The following ST8SIA5 variants were observed in gnomAD, a reference collection of about 807,000 sequenced individuals.
ST8SIA5 encodes alpha-2,8-sialyltransferase 8E.
In ST8SIA5, 24 loss-of-function variants were observed where a neutral mutation model predicts 40.2. That is an observed-to-expected ratio of 0.60 (90% CI 0.43 to 0.84). The LOEUF is 0.84. ST8SIA5 is among the 40% of genes least tolerant of loss of function. The pLI is 0.00. For synonymous variants in ST8SIA5, 198 were observed against 201.8 expected (o/e 0.98, Z 0.16); for missense variants, 465 against 498.5 (o/e 0.93, Z 0.64).
At chr18:46,733,359 T>C (rs978897742) in intron 1 of ST8SIA5, among the ~76,000 whole-genome samples, 4 of 152,214 alleles carry the variant, frequency 2.6e-5, no homozygotes, top group African/African-American at 9.6e-5. Flanking sequence ...GTACCTTTCC[T>C]TTTCCCATTC....
At chr18:46,716,147 C>T (rs2039789455) in intron 1 of ST8SIA5, among the ~76,000 whole-genome samples, 1 of 130,136 alleles carries the variant, frequency 7.7e-6, no homozygotes, top group Non-Finnish European at 1.8e-5. Flanking sequence ...TATAGTGCTC[C>T]AGCTCCACCC....
At chr18:46,750,535 G>A in intron 1 of ST8SIA5, among the ~76,000 whole-genome samples, 1 of 151,924 alleles carries the variant, frequency 6.6e-6, no homozygotes, top group East Asian at 1.9e-4. Flanking sequence ...CTCACTCCCT[G>A]CCCACTGAAA....
At chr18:46,710,632 C>T (rs1423549357) in intron 1 of ST8SIA5, among the ~76,000 whole-genome samples, 2 of 95,288 alleles carry the variant, frequency 2.1e-5, no homozygotes, top group Admixed American at 1.1e-4. Context: ...ACTCCCCCTC[C>T]CGGGTTCAAG....
chr18:46,673,154 A>G lies in ST8SIA5; in HGVS notation c.*6888T>C, dbSNP rs1466170869. The G allele has an allele frequency of 6.6e-6, 1 of 152,234 alleles. No individual in the cohort carries two copies. The highest frequency in any genetic ancestry group is 1.5e-5 in the Non-Finnish European group (1 of 68,044). The allele number at this position is 152,234 out of a possible 1,614,324, so 9.4% of individuals were successfully genotyped here. A position where few individuals can be genotyped will look rare whatever the true frequency, so the allele number is the denominator to read the frequency against. On this transcript the variant is annotated 3_prime_UTR_variant, in exon 7 of 7. Coordinates refer to ENST00000315087, the MANE Select transcript of ST8SIA5 (RefSeq NM_013305.6). ...AAGAGTTCCAGAGACAGAATATACA[A>G]CAGTGTGAATGTACTTACCATTACT...
chr18:46,716,005 G>A (rs912953550), intron 1 of ST8SIA5, among the ~76,000 whole-genome samples: 9 of 152,022 alleles, frequency 5.9e-5, no homozygotes, highest in African/African-American at 1.9e-4. Flanking sequence ...GGCTCACCCA[G>A]CCCTGCATGA....
intron 1 of ST8SIA5, chr18:46,723,038 C>T (rs1282871908): frequency 6.6e-6 from 1 of 152,342 alleles, no homozygotes; most frequent in East Asian, 1.9e-4. Context: ...CACCAGCAAC[C>T]ATTGGTGCCG....
intron 1 of ST8SIA5, among the ~76,000 whole-genome samples, chr18:46,748,961 CTA>C (rs1271784766): frequency 6.6e-6 from 1 of 152,136 alleles, no homozygotes; most frequent in African/African-American, 2.4e-5. Context: ...ACTCAAATGT[CTA>C]TGAGTTGAAG....
intron 1 of ST8SIA5, among the ~76,000 whole-genome samples, chr18:46,714,257 G>T (rs532143051): frequency 6.6e-6 from 1 of 152,190 alleles, no homozygotes; most frequent in Non-Finnish European, 1.5e-5. Flanking sequence ...GCCTCCAGCT[G>T]CCTTAACCTT....
chr18:46,688,922 G>C lies in ST8SIA5; in HGVS notation c.312-3C>G. On this transcript the variant is annotated splice_polypyrimidine_tract_variant and splice_region_variant and intron_variant, in intron 3 of 6. Coordinates refer to ENST00000315087, the MANE Select transcript of ST8SIA5 (RefSeq NM_013305.6). ...TGCAGCACCTGGACAGAGTAGACCT[G>C]CCAGGCAGGGAGACAGGCAGGAAAG... The C allele has an allele frequency of 3.1e-6, 5 of 1,605,542 alleles. No individual in the cohort carries two copies. The highest frequency in any genetic ancestry group is 4.2e-6 in the Non-Finnish European group (5 of 1,176,812).
At chr18:46,698,744 G>C (rs2039581679) in intron 2 of ST8SIA5, among the ~76,000 whole-genome samples, 1 of 152,182 alleles carries the variant, frequency 6.6e-6, no homozygotes, top group African/African-American at 2.4e-5. Flanking sequence ...AACCTCAGAA[G>C]GCAGAGAAAA....
At chr18:46,736,825 A>G (rs1266045746) in intron 1 of ST8SIA5, among the ~76,000 whole-genome samples, 1 of 151,922 alleles carries the variant, frequency 6.6e-6, no homozygotes, top group Non-Finnish European at 1.5e-5. Context: ...CCAGTGTGGC[A>G]TTAAACCCCC....
intron 1 of ST8SIA5, among the ~76,000 whole-genome samples, chr18:46,725,996 T>TATATATATATCCTGG (rs1555696977): frequency 3.9e-4 from 26 of 66,028 alleles, no homozygotes; most frequent in Non-Finnish European, 6.3e-4. Context: ...TATATATATA[T>TATATATATATCCTGG]ATATATATAT....
chr18:46,729,397 C>G (rs1008604689), intron 1 of ST8SIA5, among the ~76,000 whole-genome samples: 1 of 7,556 alleles, frequency 1.3e-4, no homozygotes, highest in Non-Finnish European at 3.3e-4. Flanking sequence ...GTGCCTTGAA[C>G]TCCACCCTCC....
At chr18:46,697,306 C>A (rs1351071430) in intron 2 of ST8SIA5, among the ~76,000 whole-genome samples, 2 of 151,846 alleles carry the variant, frequency 1.3e-5, no homozygotes, top group African/African-American at 2.4e-5. Flanking sequence ...ACCAAGATAA[C>A]CCATCAGATA....
At chr18:46,751,537 CAG>C in intron 1 of ST8SIA5, among the ~76,000 whole-genome samples, 1 of 152,122 alleles carries the variant, frequency 6.6e-6, no homozygotes, top group Admixed American at 6.5e-5. Context: ...GCTGGGATTA[CAG>C]GTGTGTGCCA....
intron 6 of ST8SIA5, among the ~76,000 whole-genome samples, chr18:46,681,454 C>T (rs115585991): frequency 0.018 from 2,708 of 152,266 alleles, 77 homozygotes; most frequent in African/African-American, 0.06. Flanking sequence ...TGGCTACGCC[C>T]GGGGCTAGGG....
At chr18:46,717,196 A>G (rs1353097591) in intron 1 of ST8SIA5, among the ~76,000 whole-genome samples, 1 of 152,156 alleles carries the variant, frequency 6.6e-6, no homozygotes, top group East Asian at 1.9e-4. Context: ...GTCCAGAGGG[A>G]ACAGGGTTGC....
At chr18:46,692,901 C>T (rs1372011010) in intron 2 of ST8SIA5, among the ~76,000 whole-genome samples, 1 of 124,040 alleles carries the variant, frequency 8.1e-6, no homozygotes, top group Non-Finnish European at 1.6e-5. Context: ...GGCCAGGTAT[C>T]GGACAAACAG....
At chr18:46,751,515 G>A (rs181613619) in intron 1 of ST8SIA5, among the ~76,000 whole-genome samples, 1 of 151,958 alleles carries the variant, frequency 6.6e-6, no homozygotes, top group Non-Finnish European at 1.5e-5. Flanking sequence ...TTGTGCCTCA[G>A]CCTCCTGAGT....
Sources: gnomAD v4.1 joint callset for allele counts (sites outside exome capture counted in the v4.1 genomes callset) on GRCh38, gnomAD v4.1.1 for gene constraint, MANE v1.5 for transcripts, NCBI Gene and HGNC (gene_info 2026-07-23, HGNC 2026-07-21) for gene names.